The following UTRN variants were observed in gnomAD, a reference collection of about 807,000 sequenced individuals.
UTRN encodes the protein dystrophin-related protein 1.
In UTRN, 283 loss-of-function variants were observed where a neutral mutation model predicts 463.9. That is an observed-to-expected ratio of 0.61 (90% confidence interval 0.55 to 0.67). The LOEUF (loss-of-function observed/expected upper bound fraction) is 0.67. Among genes scored for constraint, UTRN ranks in the 30% least tolerant of loss-of-function variants. The pLI is 0.00. For synonymous variants in UTRN, 1,442 were observed against 1,431.5 expected (o/e 1.01, Z -0.17); for missense variants, 3,922 against 4,084.3 (o/e 0.96, Z 1.08).
chr6:144,708,903 A>G (rs1479546494), intron 53 of UTRN, among the ~76,000 whole-genome samples: 1 of 152,070 alleles, frequency 6.6e-6, no homozygotes, highest in Non-Finnish European at 1.5e-5. Context: ...TGTGTCATCC[A>G]ATGGTGGAAA....
intron 45 of UTRN, among the ~76,000 whole-genome samples, chr6:144,542,177 G>A (rs886847178): frequency 2.0e-5 from 3 of 152,140 alleles, no homozygotes; most frequent in Admixed American, 2.0e-4. Context: ...CCTAAGAATT[G>A]ATATAGAAAG....
chr6:144,424,953 AATT>A (rs1785167381), intron 6 of UTRN, among the ~76,000 whole-genome samples: 1 of 152,222 alleles, frequency 6.6e-6, no homozygotes, highest in Non-Finnish European at 1.5e-5. Flanking sequence ...CTTAGTATAT[AATT>A]ATTAAAATCA....
At chr6:144,340,975 C>T (rs918784815) in intron 2 of UTRN, among the ~76,000 whole-genome samples, 1 of 152,228 alleles carries the variant, frequency 6.6e-6, no homozygotes, top group African/African-American at 2.4e-5. Context: ...GCTTTTCCTA[C>T]ATAGAATCTA....
intron 2 of UTRN, among the ~76,000 whole-genome samples, chr6:144,292,209 A>G (rs941161553): frequency 1.3e-5 from 2 of 151,998 alleles, no homozygotes; most frequent in Admixed American, 6.6e-5. Flanking sequence ...TTCTCTTTCT[A>G]TTTTCTGGAA....
intron 3 of UTRN, among the ~76,000 whole-genome samples, chr6:144,419,464 A>T (rs749721742): frequency 6.6e-6 from 1 of 152,222 alleles, no homozygotes; most frequent in African/African-American, 2.4e-5. Context: ...AAAAAGGCAC[A>T]TGCTAAAAAT....
intron 6 of UTRN, among the ~76,000 whole-genome samples, chr6:144,425,155 G>C (rs941726034): frequency 1.3e-5 from 2 of 151,994 alleles, no homozygotes; most frequent in Non-Finnish European, 2.9e-5. Context: ...TGATATTTTT[G>C]AAGAGTGCTG....
intron 44 of UTRN, 44 bp downstream of exon 44, chr6:144,537,761 AT>A (rs772683531): frequency 2.1e-5 from 34 of 1,591,216 alleles, no homozygotes; most frequent in South Asian, 3.4e-5. Context: ...GTGCCCGAAC[AT>A]TATACTTCAG....
At chr6:144,706,133 C>T (rs1785063751) in intron 53 of UTRN, among the ~76,000 whole-genome samples, 1 of 151,698 alleles carries the variant, frequency 6.6e-6, no homozygotes, top group Admixed American at 6.6e-5. Flanking sequence ...AGTGTTCGAA[C>T]ATAAACCTAA....
rs1231730701 is a variant in UTRN at position 144,473,767 on chromosome 6, C to G, written c.3114C>G (p.Phe1038Leu). The change falls in exon 24 of 75, where the codon TTC becomes TTG. Residue 1038 changes from phenylalanine to leucine, a missense_variant. Phe to Leu is a conservative substitution (Grantham distance 22). Transcript: ENST00000367545. ...AGTGGATGGATGGCGTGAAAGACTT[C>G]TTAATGAAACAGCAGGCTGCCCAAG... ...IEKWMDGVKD[F>L]LMKQQAAQGD... 2 of 1,614,006 alleles carry G rather than the reference C, an allele frequency of 1.2e-6. No homozygotes were observed. The highest frequency in any genetic ancestry group is 2.2e-5 in the East Asian group (1 of 44,880).
At chr6:144,387,067 G>A (rs962592163) in intron 2 of UTRN, among the ~76,000 whole-genome samples, 1 of 152,142 alleles carries the variant, frequency 6.6e-6, no homozygotes, top group African/African-American at 2.4e-5. Context: ...TTTGGAGAAA[G>A]TCTAGGTAGT....
At chr6:144,816,424 C>T (rs556543931) in intron 65 of UTRN, among the ~76,000 whole-genome samples, 56 of 152,070 alleles carry the variant, frequency 3.7e-4, no homozygotes, top group African/African-American at 1.3e-3. Context: ...AGCGGCTTCT[C>T]GAATGTGCAG....
rs1562535921 is a variant in UTRN at position 144,533,247 on chromosome 6, G to T, written c.6220G>T (p.Asp2074Tyr). The T allele has an allele frequency of 6.2e-7, 1 of 1,614,056 alleles. No homozygotes were observed. The highest frequency in any genetic ancestry group is 1.7e-5 in the Admixed American group (1 of 60,016). ...RWDAIVAEVK[D>Y]RQPRLKGESK... ...GGATGCAATTGTTGCAGAAGTGAAG[G>T]ATAGGCAGCCAAGGTGATTTAGCTA... The change falls in exon 43 of 75, where the codon GAT (aspartate) becomes TAT (tyrosine). Residue 2074 changes from aspartate to tyrosine, a missense_variant. Coordinates refer to ENST00000367545, the MANE Select transcript of UTRN (RefSeq NM_007124.3).
chr6:144,622,005 C>A (rs530235854), intron 51 of UTRN, among the ~76,000 whole-genome samples: 109 of 151,888 alleles, frequency 7.2e-4, no homozygotes, highest in African/African-American at 2.5e-3. Context: ...TTTTGCTCAT[C>A]CTTAATATAA....
At chr6:144,548,295 A>C in intron 46 of UTRN, among the ~76,000 whole-genome samples, 1 of 152,232 alleles carries the variant, frequency 6.6e-6, no homozygotes, top group East Asian at 1.9e-4. Context: ...GTTAAATGAA[A>C]AAAATAAAAA....
At chr6:144,523,313 AT>A (rs1796273645) in intron 41 of UTRN, 125 bp downstream of exon 41, 216 of 780,782 alleles carry the variant, frequency 2.8e-4, no homozygotes, top group South Asian at 3.1e-4. Flanking sequence ...ATGCCCTATT[AT>A]TTTTTTTTCT....
chr6:144,397,027 C>CGAG (rs1782494566), intron 2 of UTRN, among the ~76,000 whole-genome samples: 2 of 151,968 alleles, frequency 1.3e-5, no homozygotes, highest in South Asian at 4.2e-4. Context: ...GGGTGGATCA[C>CGAG]GAGGTCAGGA....
rs575261856 is a variant in UTRN, at chr6:144,600,959, G to A, written c.7479+23671G>A. The stretch of plus-strand genomic sequence containing the variant: ...ATCCTAGGGCCCTTAAGAATTATGT[G>A]AAATCTATTCTATCTGTGCTCAATA... On this transcript the variant is annotated intron_variant, in intron 51 of 74. Coordinates refer to ENST00000367545, the MANE Select transcript of UTRN (RefSeq NM_007124.3). Among the ~76,000 whole-genome samples the A allele has an allele frequency of 2.6e-5, 4 of 152,248 alleles. No homozygotes were observed. The East Asian group carries it at 7.7e-4, about 29-fold the overall frequency.
intron 46 of UTRN, among the ~76,000 whole-genome samples, chr6:144,546,183 T>A (rs1297412519): frequency 6.6e-6 from 1 of 152,212 alleles, no homozygotes; most frequent in African/African-American, 2.4e-5. Context: ...ATGGAATCAC[T>A]GGGTTTAGCA....
Position 144,459,330 on chromosome 6 carries a change from G to T in UTRN, c.2683G>T (p.Asp895Tyr). The change falls in exon 21 of 75, where the codon GAT becomes TAT. Residue 895 changes from aspartate to tyrosine, a missense_variant. Around this residue, in one of 3 missense-constraint regions of UTRN, gnomAD observed 2,349 missense variants for 2,303.8 expected, o/e 1.02. Transcript: ENST00000367545. ...CCAAGCTGTACAAGAGGCTGTAGAGGATCGTCAACAACATCTAGAGAATGG... is the reference window on the plus strand; with the variant it reads ...CCAAGCTGTACAAGAGGCTGTAGAGTATCGTCAACAACATCTAGAGAATGG... ...RYQAVQEAVEDRQQHLENELK... is the reference protein window; with the variant it reads ...RYQAVQEAVEYRQQHLENELK... 1.9e-6 allele frequency: 3 copies of T among 1,606,210 alleles called. No homozygotes were observed. The highest frequency in any genetic ancestry group is 2.5e-6 in the Non-Finnish European group (3 of 1,177,152).
Sources: allele counts gnomAD v4.1 joint callset (sites outside exome capture counted in the v4.1 genomes callset), GRCh38; gene constraint gnomAD v4.1.1; regional missense constraint gnomAD v4.1.1; transcripts MANE v1.5; gene names NCBI Gene and HGNC (gene_info 2026-07-23, HGNC 2026-07-21).